Variants in PCDHGB3 observed in about 807,000 individuals in gnomAD.
The protein encoded by PCDHGB3 is protocadherin gamma-B3.
Under a neutral mutation model 59.2 loss-of-function variants are expected in PCDHGB3, and 40 were observed. That is an observed-to-expected ratio of 0.68 (90% CI 0.52 to 0.88). The LOEUF (loss-of-function observed/expected upper bound fraction) is 0.88, where lower values mean the gene tolerates loss of function less well. Among genes scored for constraint, PCDHGB3 ranks in the 40% least tolerant of loss-of-function variants. The pLI is 0.00. For missense variants in PCDHGB3, 1,309 were observed against 1,187.9 expected, an observed-to-expected ratio of 1.10 and a Z score of -1.50; for synonymous variants, 581 against 503.6, an observed-to-expected ratio of 1.15 and a Z score of -2.06.
chr5:141,375,819 C>T, intron 1 of PCDHGB3: 2 of 1,614,190 alleles, frequency 1.2e-6, no homozygotes, highest in Admixed American at 1.7e-5. Context: ...GAGCTGGCGC[C>T]CCGCTCCGCA....
At chr5:141,381,986 C>T (rs1360595056) in intron 1 of PCDHGB3, among the ~76,000 whole-genome samples, 1 of 151,810 alleles carries the variant, frequency 6.6e-6, no homozygotes, top group African/African-American at 2.4e-5. Context: ...CGCGCCACCA[C>T]GCCCGGATAA....
intron 3 of PCDHGB3, among the ~76,000 whole-genome samples, chr5:141,508,986 G>C (rs1298630784): frequency 2.0e-5 from 3 of 152,148 alleles, no homozygotes; most frequent in Non-Finnish European, 4.4e-5. Context: ...GTGGGGGCCA[G>C]CTGGGGTAGG....
Position 141,431,154 on chromosome 5 carries a change from A to G in PCDHGB3, c.2415+58345A>G, listed in dbSNP as rs754200786. ...AGGGACATTAACGACAATGCGCCTT[A>G]CTTTCGTGAAAGTGAATTAGAAATA... On this transcript the variant is annotated intron_variant, in intron 1 of 3. Coordinates refer to ENST00000576222, the MANE Select transcript of PCDHGB3 (RefSeq NM_018924.5). The surrounding 1 kb of genome is among the most constrained non-coding windows in gnomAD (Gnocchi z 4.8). 1.1e-5 allele frequency: 18 copies of G among 1,614,136 alleles called. No homozygotes were observed. In the East Asian group the frequency reaches 4.0e-4, roughly 36 times the overall value.
intron 1 of PCDHGB3, chr5:141,417,914 C>T: frequency 6.2e-7 from 1 of 1,602,320 alleles, no homozygotes; most frequent in Non-Finnish European, 8.5e-7. Context: ...GGTACTATTT[C>T]CTTTGCTGCT....
At position 141,477,576 on chromosome 5, in the gene PCDHGB3, C is replaced by A; in HGVS notation, c.2416-17231C>A. The A allele has an allele frequency of 6.2e-7, 1 of 1,614,162 alleles. No homozygotes were observed. The highest frequency in any genetic ancestry group is 8.5e-7 in the Non-Finnish European group (1 of 1,180,026). On this transcript the variant is annotated intron_variant, in intron 1 of 3. Transcript: ENST00000576222. The surrounding 1 kb of genome is among the most constrained non-coding windows in gnomAD (Gnocchi z 4.9). ...CTAAGTGTCTGGGACCCCGACGCCC[C>A]GCAGAATGCTCGGCTTTCTTTCTTT...
At chr5:141,448,580 TTACAAAAAGATAAAA>T (rs1484851220) in intron 1 of PCDHGB3, among the ~76,000 whole-genome samples, 1 of 152,180 alleles carries the variant, frequency 6.6e-6, no homozygotes, top group Non-Finnish European at 1.5e-5. Context: ...CCCATTTTTT[TTACAAAAAGATAAAA>T]TACTATACAC....
intron 1 of PCDHGB3, among the ~76,000 whole-genome samples, chr5:141,455,783 T>G (rs1475277198): frequency 1.3e-5 from 2 of 152,066 alleles, no homozygotes; most frequent in Non-Finnish European, 2.9e-5. Context: ...AAAAGAAACT[T>G]TTCCGGAGAT....
At chr5:141,417,602 C>T (rs556223277) in intron 1 of PCDHGB3, 2 of 510,170 alleles carry the variant, frequency 3.9e-6, no homozygotes, top group Admixed American at 3.8e-5. Context: ...TGGGCGCCGC[C>T]GTCGGCCAGT....
At chr5:141,374,840 GA>G in intron 1 of PCDHGB3, 1 of 1,613,796 alleles carries the variant, frequency 6.2e-7, no homozygotes, top group Non-Finnish European at 8.5e-7. Flanking sequence ...AAGTGTTCCT[GA>G]AAACCTGCCA....
Position 141,476,977 on chromosome 5 carries a change from C to A in PCDHGB3, c.2416-17830C>A, listed in dbSNP as rs141692339. On this transcript the variant is annotated intron_variant, in intron 1 of 3. Coordinates refer to ENST00000576222, the MANE Select transcript of PCDHGB3 (RefSeq NM_018924.5). The surrounding 1 kb of genome is among the most constrained non-coding windows in gnomAD (Gnocchi z 7.6). The stretch of plus-strand genomic sequence containing the variant: ...TTATTTACTCCTTCGGCAGCCACAA[C>A]CGCGCCGGCGTGCGGCAACTATTCG... 6.2e-7 allele frequency: 1 copy of A among 1,614,232 alleles called. No individual in the cohort carries two copies. The highest frequency in any genetic ancestry group is 8.5e-7 in the Non-Finnish European group (1 of 1,180,040).
intron 1 of PCDHGB3, chr5:141,416,389 T>A (rs2096020280): frequency 6.6e-6 from 1 of 152,236 alleles, no homozygotes; most frequent in Non-Finnish European, 1.5e-5. Context: ...TATTTGGGAT[T>A]CTGCTTTTGT....
In PCDHGB3 at chr5:141,386,024, TG is replaced by T. The variant is rs758923656; in HGVS notation, c.2415+13216del. The T allele has an allele frequency of 2.6e-5, 4 of 152,242 alleles. No homozygotes were observed. The East Asian group carries it at 5.8e-4, about 22-fold the overall frequency. 9.4% of individuals were successfully genotyped at this position (152,242 alleles called of 1,614,324 possible). On this transcript the variant is annotated intron_variant, in intron 1 of 3. Transcript: ENST00000576222. ...CATTTTAAGTGTTGTAATTGGCATTTGTGACATAGGCAATTACATGTTTTAA... is the reference window on the plus strand; with the variant it reads ...CATTTTAAGTGTTGTAATTGGCATTTTGACATAGGCAATTACATGTTTTAA...
chr5:141,447,849 G>A (rs2154561912), intron 1 of PCDHGB3, among the ~76,000 whole-genome samples: 1 of 152,306 alleles, frequency 6.6e-6, no homozygotes, highest in East Asian at 1.9e-4. Context: ...GCTTTGGGAG[G>A]CCGAGGTGGG....
chr5:141,495,469 C>G (rs1398171981), intron 2 of PCDHGB3, among the ~76,000 whole-genome samples: 1 of 152,220 alleles, frequency 6.6e-6, no homozygotes, highest in Non-Finnish European at 1.5e-5. Flanking sequence ...TGTGGGGTCT[C>G]CGTGTCTCTG....
In PCDHGB3 at chr5:141,477,377, C is replaced by A. The variant is rs1456451105; in HGVS notation, c.2416-17430C>A. On this transcript the variant is annotated intron_variant, in intron 1 of 3. Coordinates refer to ENST00000576222, the MANE Select transcript of PCDHGB3 (RefSeq NM_018924.5). This position sits in a 1 kb window ranked among gnomAD's most constrained non-coding sequence, Gnocchi z 4.9. ...TGCAGACCTGGATCGGGAGACTGTG[C>A]CAGAATACAACCTCAGCATCACCGC... 1.2e-6 allele frequency: 2 copies of A among 1,614,026 alleles called. No homozygotes were observed. The highest frequency in any genetic ancestry group is 1.7e-6 in the Non-Finnish European group (2 of 1,180,032).
chr5:141,511,728 A>C lies in PCDHGB3; in HGVS notation c.*555A>C, dbSNP rs904031366. 2.2e-5 allele frequency: 4 copies of C among 177,940 alleles called. No homozygotes were observed. The highest frequency in any genetic ancestry group is 7.0e-5 in the African/African-American group (3 of 42,626). 11.0% of individuals were successfully genotyped at this position (177,940 alleles called of 1,614,324 possible). ...TCACCTCCTTCCAGAGCCCAAGATC[A>C]ATGCTCAAGTTTTGGAGGACATGAT... On this transcript the variant is annotated 3_prime_UTR_variant, in exon 4 of 4. Coordinates refer to ENST00000576222, the MANE Select transcript of PCDHGB3 (RefSeq NM_018924.5).
At chr5:141,435,180 C>G (rs1341148119) in intron 1 of PCDHGB3, among the ~76,000 whole-genome samples, 1 of 152,074 alleles carries the variant, frequency 6.6e-6, no homozygotes, top group African/African-American at 2.4e-5. Context: ...TTTAACTACA[C>G]TTGAGATGGC....
At chr5:141,375,126 T>C (rs752210240) in intron 1 of PCDHGB3, 10 of 1,613,870 alleles carry the variant, frequency 6.2e-6, no homozygotes, top group African/African-American at 2.7e-5. Flanking sequence ...CCAGAAGTGG[T>C]TGTTACATCT....
chr5:141,409,700 G>GCGGTGT (rs1561722150), intron 1 of PCDHGB3: 2 of 1,613,280 alleles, frequency 1.2e-6, no homozygotes, highest in Admixed American at 3.3e-5. Flanking sequence ...AGAGCCCCTG[G>GCGGTGT]CGGTGTCGTC....
Sources: allele counts gnomAD v4.1 joint callset (sites outside exome capture counted in the v4.1 genomes callset), GRCh38; gene constraint gnomAD v4.1.1; non-coding constraint Gnocchi (gnomAD v3.1); transcripts MANE v1.5; gene names NCBI Gene and HGNC (gene_info 2026-07-23, HGNC 2026-07-21).